Variants in ZNF292 observed in about 807,000 individuals in gnomAD.
ZNF292 encodes 16 zinc-finger domain protein.
In ZNF292, 26 loss-of-function variants were observed where a neutral mutation model predicts 217.9. The ratio of observed to expected loss-of-function variants is 0.12; its 90% CI spans 0.09 to 0.17. ZNF292 has a LOEUF of 0.17. Ranked by LOEUF, ZNF292 falls within the 10% of genes least tolerant of loss-of-function variation. The pLI is 1.00. For synonymous variants in ZNF292, 1,257 were observed against 1,124.1 expected (o/e 1.12, Z -2.37); for missense variants, 2,904 against 3,175.2 (o/e 0.91, Z 2.05).
chr6:87,209,210 G>GT (rs1214678654), intron 1 of ZNF292, among the ~76,000 whole-genome samples: 1 of 150,850 alleles, frequency 6.6e-6, no homozygotes, highest in Non-Finnish European at 1.5e-5. Context: ...TCTTGTTGTT[G>GT]TTTTTACCTA....
chr6:87,254,080 A>G (rs186803160), intron 7 of ZNF292, among the ~76,000 whole-genome samples: 19 of 152,270 alleles, frequency 1.2e-4, no homozygotes, highest in African/African-American at 3.8e-4. Flanking sequence ...AATCTCCACT[A>G]TTAGGGATTA....
rs369838692 is a variant in ZNF292 at position 87,254,946 on chromosome 6, A to G, written c.1317A>G (p.Gln439=). The change falls in exon 8 of 8, where the codon CAA becomes CAG. Residue 439 remains glutamine, a synonymous_variant. Coordinates refer to ENST00000369577, the MANE Select transcript of ZNF292 (RefSeq NM_015021.3). ...AGCTGTTACTTGTATTGAAAACTCA[A>G]TGGCCCTTTGATCCAGAATTCTGGG... ...RCELLLVLKT[Q]WPFDPEFWDW... The G allele has an allele frequency of 3.0e-5, 49 of 1,613,724 alleles. No homozygotes were observed. The highest frequency in any genetic ancestry group is 2.1e-4 in the African/African-American group (16 of 74,928).
chr6:87,215,856 A>G, intron 1 of ZNF292, 47 bp from the exon 2 acceptor site: 3 of 1,480,860 alleles, frequency 2.0e-6, no homozygotes, highest in Non-Finnish European at 2.7e-6. Context: ...GTCAATGTAT[A>G]TTTTGATTTA....
Position 87,255,242 on chromosome 6 carries a change from A to G in ZNF292, c.1613A>G (p.Gln538Arg). 6.2e-7 allele frequency: 1 copy of G among 1,613,922 alleles called. No homozygotes were observed. The highest frequency in any genetic ancestry group is 8.5e-7 in the Non-Finnish European group (1 of 1,179,838). ...GFISARFRNW[Q>R]AYMQYCVLCD... ...ATATCTGCTCGGTTTAGGAATTGGC[A>G]AGCCTACATGCAGTATTGTGTGTTG... Residue 538 changes from glutamine (Q) to arginine (R), a missense_variant, in exon 8 of 8, where the codon CAA becomes CGA. Gln to Arg is a conservative substitution (Grantham distance 43). Coordinates refer to ENST00000369577, the MANE Select transcript of ZNF292 (RefSeq NM_015021.3).
intron 5 of ZNF292, among the ~76,000 whole-genome samples, chr6:87,237,402 T>G (rs1483742438): frequency 6.6e-6 from 1 of 152,094 alleles, no homozygotes; most frequent in East Asian, 1.9e-4. Flanking sequence ...CCGCCATGCC[T>G]GGCTAATTTT....
intron 1 of ZNF292, among the ~76,000 whole-genome samples, chr6:87,171,610 T>A (rs1771101361): frequency 6.6e-6 from 1 of 152,152 alleles, no homozygotes; most frequent in Non-Finnish European, 1.5e-5. Flanking sequence ...AAAAAGTTAT[T>A]TAATCCACTA....
chr6:87,159,736 CCCA>C (rs1770667587), intron 1 of ZNF292, among the ~76,000 whole-genome samples: 1 of 152,068 alleles, frequency 6.6e-6, no homozygotes, highest in Non-Finnish European at 1.5e-5. Context: ...CTCTTGGCCT[CCCA>C]AAGTGCTGGG....
intron 4 of ZNF292, among the ~76,000 whole-genome samples, chr6:87,219,850 CAG>C (rs1229399261): frequency 6.6e-5 from 10 of 152,176 alleles, no homozygotes; most frequent in African/African-American, 2.2e-4. Context: ...TTTATTGAGA[CAG>C]AGTCTTGCCC....
chr6:87,218,707 C>G lies in ZNF292; in HGVS notation c.514C>G (p.Gln172Glu). Reference sequence around the variant, plus strand: ...CCCGGTACTGTGCACTATTCTTTCCCAGGAACCATTGGATAAGGATAAAGG... The same window carrying G: ...CCCGGTACTGTGCACTATTCTTTCCGAGGAACCATTGGATAAGGATAAAGG... ...KNPVLCTILS[Q>E]EPLDKDKVNE... The change falls in exon 4 of 8, where the codon CAG becomes GAG. Residue 172 changes from glutamine to glutamate, a missense_variant. Coordinates refer to ENST00000369577, the MANE Select transcript of ZNF292 (RefSeq NM_015021.3). 2 of 1,591,180 alleles carry G rather than the reference C, an allele frequency of 1.3e-6. No homozygotes were observed. Among genetic ancestry groups the G allele is most frequent in the Non-Finnish European group, 1.7e-6 (2 of 1,171,138 alleles).
rs1335994536 is a variant in ZNF292, at chr6:87,262,033, AAC to A, written c.*233_*234del. On this transcript the variant is annotated 3_prime_UTR_variant, in exon 8 of 8. Transcript: ENST00000369577. ...TTCAGTTATTGTAAATAGTGAGCTAAACCTCAAATTTCTATCACCCAGTTGCC... is the reference window on the plus strand; with the variant it reads ...TTCAGTTATTGTAAATAGTGAGCTAACTCAAATTTCTATCACCCAGTTGCC... The A allele has an allele frequency of 3.3e-6, 1 of 302,698 alleles. No homozygotes were observed. Among genetic ancestry groups the A allele is most frequent in the African/African-American group, 2.2e-5 (1 of 46,364 alleles). 18.8% of individuals were successfully genotyped at this position (302,698 alleles called of 1,614,324 possible).
In ZNF292 at chr6:87,263,797, T is replaced by G. The variant is rs1048234707; in HGVS notation, c.*1996T>G. ...GTTTCCATACAGTTTTCTTAGAAAT[T>G]GACCTAGCTCTTAAAGGTGGGCACT... is the stretch of plus-strand genomic sequence containing the variant. On this transcript the variant is annotated 3_prime_UTR_variant, in exon 8 of 8. Coordinates refer to ENST00000369577, the MANE Select transcript of ZNF292 (RefSeq NM_015021.3). 1.3e-5 allele frequency: 2 copies of G among 152,148 alleles called. No individual in the cohort carries two copies. The highest frequency in any genetic ancestry group is 2.9e-5 in the Non-Finnish European group (2 of 68,000). 9.4% of individuals were successfully genotyped at this position (152,148 alleles called of 1,614,324 possible).
chr6:87,178,338 A>G (rs1295618841), intron 1 of ZNF292, among the ~76,000 whole-genome samples: 1 of 152,174 alleles, frequency 6.6e-6, no homozygotes, highest in Non-Finnish European at 1.5e-5. Flanking sequence ...AGGTGGTTTC[A>G]ATTTTTGGAA....
Position 87,258,106 on chromosome 6 carries a change from G to A in ZNF292, c.4477G>A (p.Ala1493Thr), listed in dbSNP as rs1225824581. ...SQEGSEIIKQALETAGIPSTF... is the reference protein window; with the variant it reads ...SQEGSEIIKQTLETAGIPSTF... ...AGAAGGTAGTGAAATTATTAAACAG[G>A]CTTTGGAAACTGCTGGCATTCCCAG... The change falls in exon 8 of 8, where the codon GCT (alanine) becomes ACT (threonine). Residue 1493 changes from alanine (A) to threonine (T), a missense_variant. Physicochemically the swap from Ala to Thr is moderately conservative, Grantham distance 58. Coordinates refer to ENST00000369577, the MANE Select transcript of ZNF292 (RefSeq NM_015021.3). 1.2e-6 allele frequency: 2 copies of A among 1,612,942 alleles called. No homozygotes were observed. The highest frequency in any genetic ancestry group is 8.5e-7 in the Non-Finnish European group (1 of 1,179,450).
At chr6:87,185,476 G>C (rs1172931910) in intron 1 of ZNF292, among the ~76,000 whole-genome samples, 1 of 152,102 alleles carries the variant, frequency 6.6e-6, no homozygotes, top group Non-Finnish European at 1.5e-5. Context: ...GAATATTCTA[G>C]AACTTGAAGC....
At chr6:87,156,095 C>T (rs1460812535) in intron 1 of ZNF292, among the ~76,000 whole-genome samples, 4 of 152,076 alleles carry the variant, frequency 2.6e-5, no homozygotes, top group Non-Finnish European at 5.9e-5. Context: ...GCCAGGTTCT[C>T]TTCCTCCTCC....
chr6:87,225,750 T>TA (rs1773315375), intron 4 of ZNF292, among the ~76,000 whole-genome samples: 1 of 152,210 alleles, frequency 6.6e-6, no homozygotes, highest in Non-Finnish European at 1.5e-5. Context: ...TGTTTTCACT[T>TA]ATTCTATGGT....
chr6:87,181,891 C>T lies in ZNF292; in HGVS notation c.168+26132C>T, dbSNP rs955637970. ...TAGAGATGGGGTTTCGCCATGTTGG[C>T]CCGGCTGGTCTCAAACTCCTGACCT... On this transcript the variant is annotated intron_variant, in intron 1 of 7. Coordinates refer to ENST00000369577, the MANE Select transcript of ZNF292 (RefSeq NM_015021.3). 3.7e-4 allele frequency among the ~76,000 whole-genome samples: 57 copies of T among 152,176 alleles called. 1 individual carries two copies. The highest frequency in any genetic ancestry group is 1.4e-3 in the African/African-American group (57 of 41,520).
chr6:87,219,003 C>T (rs1463807981), intron 4 of ZNF292, among the ~76,000 whole-genome samples: 1 of 152,064 alleles, frequency 6.6e-6, no homozygotes, highest in Non-Finnish European at 1.5e-5. Context: ...TGACAGGTGG[C>T]AATCCAGTTT....
chr6:87,200,791 A>G (rs1024328315), intron 1 of ZNF292, among the ~76,000 whole-genome samples: 6 of 152,218 alleles, frequency 3.9e-5, no homozygotes, highest in African/African-American at 1.2e-4. Context: ...GAGATTATTT[A>G]GGGATTCAAA....
Sources: allele counts gnomAD v4.1 joint callset (sites outside exome capture counted in the v4.1 genomes callset), GRCh38; gene constraint gnomAD v4.1.1; transcripts MANE v1.5; gene names NCBI Gene and HGNC (gene_info 2026-07-23, HGNC 2026-07-21).